GGA2: variants seen among roughly 807,000 people sequenced by gnomAD.
GGA2 encodes the protein ADP-ribosylation factor-binding protein GGA2.
In GGA2, 48 loss-of-function variants were observed where a neutral mutation model predicts 79.5. The observed-to-expected ratio is 0.60, with a 90% CI of 0.48 to 0.77. The LOEUF is 0.77. Among genes scored for constraint, GGA2 ranks in the 30% least tolerant of loss-of-function variants. GGA2 has a pLI of 0.00. For missense variants in GGA2, 770 were observed against 774.0 expected (o/e 0.99, Z 0.06); for synonymous variants, 317 against 302.0 (o/e 1.05, Z -0.51).
At chr16:23,470,230 A>G (rs1343037303) in intron 14 of GGA2, 65 bp from the exon 15 acceptor site, 1 of 1,267,098 alleles carries the variant, frequency 7.9e-7, no homozygotes. Flanking sequence ...GCCAGGCTGG[A>G]AAGAGATGTA....
chr16:23,486,619 T>C (rs1353196647), intron 7 of GGA2, 91 bp downstream of exon 7: 10 of 817,268 alleles, frequency 1.2e-5, no homozygotes, highest in African/African-American at 1.7e-5. Flanking sequence ...CAGGCAACCG[T>C]TCCTCTACCC....
At chr16:23,499,379 C>T (rs1330434180) in intron 1 of GGA2, among the ~76,000 whole-genome samples, 1 of 152,050 alleles carries the variant, frequency 6.6e-6, no homozygotes, top group Non-Finnish European at 1.5e-5. Context: ...CTACTGACCT[C>T]GTGATCCGTC....
chr16:23,488,651 G>C lies in GGA2; in HGVS notation c.534C>G (p.Pro178=), dbSNP rs749311344. 6.2e-6 allele frequency: 10 copies of C among 1,611,110 alleles called. No individual in the cohort carries two copies. The East Asian group carries it at 2.2e-4, about 36-fold the overall frequency. The change falls in exon 6 of 17, where the codon CCC becomes CCG. Residue 178 remains proline, a synonymous_variant. Transcript: ENST00000309859. ...PVDKILPPPS[P]WPKSSIFDAD... ...CATCAAAGATGGAGCTCTTGGGCCA[G>C]GGAGATGGTGGGGGTAAGATTTTAT...
At chr16:23,472,708 AAAAAT>A (rs1160643914) in intron 14 of GGA2, among the ~76,000 whole-genome samples, 4 of 151,248 alleles carry the variant, frequency 2.6e-5, no homozygotes, top group Non-Finnish European at 5.9e-5. Context: ...ACCTTGTCTC[AAAAAT>A]AAAATAAAAT....
chr16:23,498,235 G>A (rs968907750), intron 1 of GGA2, among the ~76,000 whole-genome samples: 65 of 151,780 alleles, frequency 4.3e-4, no homozygotes, highest in Non-Finnish European at 8.4e-4. Flanking sequence ...AGCTGAGATC[G>A]TGACACTGCA....
upstream of GGA2, among the ~76,000 whole-genome samples, chr16:23,513,783 CAAAA>C (rs754377361): frequency 2.1e-5 from 1 of 47,166 alleles, no homozygotes; most frequent in Non-Finnish European, 5.3e-5. Context: ...GACTCTGTCT[CAAAA>C]AAAAAAAAAA....
In GGA2 at chr16:23,480,652, G is replaced by C. The variant is rs777087598; in HGVS notation, c.999C>G (p.Val333=). The change falls in exon 10 of 17, where the codon GTC becomes GTG. Residue 333 remains valine, a synonymous_variant. Coordinates refer to ENST00000309859, the MANE Select transcript of GGA2 (RefSeq NM_015044.4). ...RVTSSLGDIP[V]SRVFQNPAGC... is the part of the protein sequence containing the mutation. ...AGAAGCTTTCAAACATACCTCTGGA[G>C]ACAGGGATGTCTCCCAATGAGCTGG... is the stretch of plus-strand genomic sequence containing the variant. 9 of 1,612,284 alleles carry C rather than the reference G, an allele frequency of 5.6e-6. No homozygotes were observed. Among genetic ancestry groups the C allele is most frequent in the Admixed American group, 1.7e-5 (1 of 59,978 alleles).
rs745558677 is a variant in GGA2, at chr16:23,493,340, A to G, written c.351+20T>C. The G allele has an allele frequency of 2.8e-6, 4 of 1,435,068 alleles. No individual in the cohort carries two copies. In the South Asian group the frequency reaches 3.4e-5, roughly 12 times the overall value. 88.9% of individuals were successfully genotyped at this position (1,435,068 alleles called of 1,614,324 possible). On this transcript the variant is annotated intron_variant, in intron 4 of 16. Transcript: ENST00000309859. ...GGCGTAGGTGCGACACAGTCAGCAG[A>G]GCCAAGCCCAGGTACTCACCTTTGG...
At chr16:23,508,165 CAA>C (rs1964994791) in intron 1 of GGA2, among the ~76,000 whole-genome samples, 1 of 151,556 alleles carries the variant, frequency 6.6e-6, no homozygotes, top group Non-Finnish European at 1.5e-5. Flanking sequence ...CCCAAGGGTT[CAA>C]GTGATCCTCC....
chr16:23,494,048 G>A lies in GGA2; in HGVS notation c.252+255C>T, dbSNP rs1215517923. On this transcript the variant is annotated intron_variant, in intron 3 of 16. Transcript: ENST00000309859. Reference sequence around the variant, plus strand: ...GAACTTGCCAGCCCTGGTCTAAGAAGGGCAAATGAAATAAAACCTTCCTTT... The same window carrying A: ...GAACTTGCCAGCCCTGGTCTAAGAAAGGCAAATGAAATAAAACCTTCCTTT... 12 of 518,640 alleles carry A rather than the reference G, an allele frequency of 2.3e-5. No individual in the cohort carries two copies. In the Admixed American group the frequency reaches 3.1e-4, roughly 14 times the overall value. The allele number at this position is 518,640 out of a possible 1,614,324, so 32.1% of individuals were successfully genotyped here.
chr16:23,497,221 C>A (rs1464127476), intron 1 of GGA2, among the ~76,000 whole-genome samples: 1 of 152,088 alleles, frequency 6.6e-6, no homozygotes, highest in Non-Finnish European at 1.5e-5. Flanking sequence ...CTCTTTTAGG[C>A]TCTGGAAATG....
intron 8 of GGA2, among the ~76,000 whole-genome samples, chr16:23,485,247 G>A (rs1194196399): frequency 2.6e-5 from 4 of 152,230 alleles, no homozygotes; most frequent in Admixed American, 1.3e-4. Flanking sequence ...GTTTGGGAAA[G>A]GGGGAATGAC....
rs1965026436 is a variant in GGA2, at chr16:23,510,385, AGCC to A, written c.24_26del (p.Ala9del). 4 of 1,406,168 alleles carry A rather than the reference AGCC, an allele frequency of 2.8e-6. No homozygotes were observed. The highest frequency in any genetic ancestry group is 3.1e-5 in the East Asian group (1 of 32,312). The allele number at this position is 1,406,168 out of a possible 1,614,324, so 87.1% of individuals were successfully genotyped here. On this transcript the variant is annotated inframe_deletion, in exon 1 of 17. Coordinates refer to ENST00000309859, the MANE Select transcript of GGA2 (RefSeq NM_015044.4). ...CCTGGGCCGACTCGGTTCCCGCCAC[AGCC>A]GCCGCCACCGCGGTCGCCGCCATCG...
At chr16:23,474,814 C>T in intron 14 of GGA2, 90 bp downstream of exon 14, 1 of 972,080 alleles carries the variant, frequency 1.0e-6, no homozygotes, top group Non-Finnish European at 1.6e-6. Context: ...ATTTAAGGGC[C>T]ACCTCTATCA....
At chr16:23,484,004 AAAG>A (rs1267668324) in intron 8 of GGA2, among the ~76,000 whole-genome samples, 1 of 150,156 alleles carries the variant, frequency 6.7e-6, no homozygotes, top group Non-Finnish European at 1.5e-5. Context: ...AAAAAAAAAA[AAAG>A]GCCAGGCATG....
chr16:23,465,110 CT>C lies in GGA2; in HGVS notation c.*2479del. The C allele has an allele frequency of 1.7e-6, 1 of 571,494 alleles. No homozygotes were observed. The highest frequency in any genetic ancestry group is 2.2e-5 in the South Asian group (1 of 45,690). The allele number at this position is 571,494 out of a possible 1,614,324, so 35.4% of individuals were successfully genotyped here. The stretch of plus-strand genomic sequence containing the variant: ...TTGCTTCTCCCCAGAGGAAAAGAAG[CT>C]CCTTCAGGGTGGTGCCTGGCTCAGG... On this transcript the variant is annotated 3_prime_UTR_variant, in exon 17 of 17. Transcript: ENST00000309859.
intron 5 of GGA2, among the ~76,000 whole-genome samples, chr16:23,488,911 A>G (rs1964748723): frequency 6.6e-6 from 1 of 152,204 alleles, no homozygotes; most frequent in African/African-American, 2.4e-5. Flanking sequence ...GGTGGCCGGG[A>G]CAGCAGAGCC....
At chr16:23,502,618 C>G (rs1241093232) in intron 1 of GGA2, among the ~76,000 whole-genome samples, 1 of 152,218 alleles carries the variant, frequency 6.6e-6, no homozygotes, top group South Asian at 2.1e-4. Context: ...ATTGCTGGTG[C>G]TGCCTGCATC....
At position 23,469,074 on chromosome 16, in the gene GGA2, G is replaced by A. The variant is rs1022071556; in HGVS notation, c.1621-78C>T. 67 of 900,970 alleles carry A rather than the reference G, an allele frequency of 7.4e-5. No homozygotes were observed. The Admixed American group carries it at 1.2e-3, about 15-fold the overall frequency. The allele number at this position is 900,970 out of a possible 1,614,324, so 55.8% of individuals were successfully genotyped here. ...GATGGAGATCAGGTGAGGGGGAGCT[G>A]GACCTCCCCAACACCCCTCCAAGAG... is the stretch of plus-strand genomic sequence containing the variant. On this transcript the variant is annotated intron_variant, in intron 15 of 16. Transcript: ENST00000309859.
Sources: allele counts gnomAD v4.1 joint callset (sites outside exome capture counted in the v4.1 genomes callset), GRCh38; gene constraint gnomAD v4.1.1; transcripts MANE v1.5; gene names NCBI Gene and HGNC (gene_info 2026-07-23, HGNC 2026-07-21).